KCTD20: variants seen among roughly 807,000 people sequenced by gnomAD.
The protein encoded by KCTD20 is BTB/POZ domain-containing protein KCTD20.
Under a neutral mutation model 39.6 loss-of-function variants are expected in KCTD20, and 30 were observed. The ratio of observed to expected loss-of-function variants is 0.76; its 90% CI spans 0.57 to 1.03. The LOEUF (loss-of-function observed/expected upper bound fraction) is 1.03. KCTD20 is among the 50% of genes least tolerant of loss of function. KCTD20 has a pLI of 0.00. For synonymous variants in KCTD20, 162 were observed against 180.6 expected (o/e 0.90, Z 0.83); for missense variants, 422 against 522.0 (o/e 0.81, Z 1.87).
chr6:36,482,414 A>T (rs191582519), intron 6 of KCTD20, among the ~76,000 whole-genome samples: 4 of 152,198 alleles, frequency 2.6e-5, no homozygotes, highest in African/African-American at 9.6e-5. Context: ...TAAGCCAGGC[A>T]TGGTGGCGTG....
intron 1 of KCTD20, among the ~76,000 whole-genome samples, chr6:36,456,633 G>A (rs534629293): frequency 1.4e-5 from 2 of 143,212 alleles, no homozygotes; most frequent in African/African-American, 5.3e-5. Flanking sequence ...TGTTATCCAC[G>A]GTGGCATATA....
rs1776157781 is a variant in KCTD20, at chr6:36,479,140, G to C, written c.454G>C (p.Glu152Gln). ...TTTCAGGATGTTTGGACCAGGAAGA[G>C]AGTACAACTTCACTCGGCCCAATGA... ...MLGRMFGPGR[E>Q]YNFTRPNEKG... is the part of the protein sequence containing the mutation. The change falls in exon 4 of 8, where the codon GAG becomes CAG. Residue 152 changes from glutamate (E) to glutamine (Q), a missense_variant. By Grantham distance (29) the Glu-to-Gln change is conservative (BLOSUM62 2). Coordinates refer to ENST00000373731, the MANE Select transcript of KCTD20 (RefSeq NM_173562.5). 1 of 1,612,760 alleles carries C rather than the reference G, an allele frequency of 6.2e-7. No homozygotes were observed. The highest frequency in any genetic ancestry group is 1.7e-5 in the Admixed American group (1 of 59,950).
rs928665357 is a variant in KCTD20 at position 36,483,138 on chromosome 6, T to A, written c.856+1379T>A. 2.8e-3 allele frequency among the ~76,000 whole-genome samples: 405 copies of A among 146,594 alleles called. 3 individuals are homozygous for A. The highest frequency in any genetic ancestry group is 9.7e-3 in the African/African-American group (386 of 39,910). On this transcript the variant is annotated intron_variant, in intron 6 of 7. Transcript: ENST00000373731. ...CGTTTCAAAAAAAAAAAAAAAAAAA[T>A]TATACCTTTATAATTTTGATAGATG...
In KCTD20 at chr6:36,487,954, C is replaced by T. The variant is rs1776476386; in HGVS notation, c.*779C>T. 6.6e-6 allele frequency: 1 copy of T among 152,184 alleles called. No homozygotes were observed. Among genetic ancestry groups the T allele is most frequent in the African/African-American group, 2.4e-5 (1 of 41,440 alleles). 9.4% of individuals were successfully genotyped at this position (152,184 alleles called of 1,614,324 possible). On this transcript the variant is annotated 3_prime_UTR_variant, in exon 8 of 8. Transcript: ENST00000373731. The stretch of plus-strand genomic sequence containing the variant: ...AATCAGGCCAGTTGGGTTATCCTGG[C>T]TTGGAATCTGGTGTGAAACCATAGG...
At chr6:36,449,033 A>G (rs1244570804) in intron 1 of KCTD20, among the ~76,000 whole-genome samples, 2 of 152,158 alleles carry the variant, frequency 1.3e-5, no homozygotes, top group African/African-American at 2.4e-5. Context: ...TACAGCTCAT[A>G]AAGTTAGTGC....
chr6:36,451,654 T>C (rs1378248018), intron 1 of KCTD20: 1 of 152,268 alleles, frequency 6.6e-6, no homozygotes, highest in African/African-American at 2.4e-5. Context: ...CACACCCAGC[T>C]AATTTTTTTA....
chr6:36,466,160 T>C (rs1775747281), intron 1 of KCTD20, among the ~76,000 whole-genome samples: 1 of 151,770 alleles, frequency 6.6e-6, no homozygotes, highest in Admixed American at 6.6e-5. Context: ...CCTCCTGGGT[T>C]CAAGCAATTC....
At chr6:36,480,409 CCT>C (rs1491582083) in intron 5 of KCTD20, among the ~76,000 whole-genome samples, 10 of 139,546 alleles carry the variant, frequency 7.2e-5, no homozygotes, top group East Asian at 6.0e-4. Flanking sequence ...CATGATATTG[CCT>C]TTTTTTTTTT....
chr6:36,469,297 G>C lies in KCTD20; in HGVS notation c.-46-755G>C, dbSNP rs140910400. ...CGAGGATGGAAGGGTTGCAGGGCGTGATTAACCAGCAGAAAGTTATGAGGC... is the reference window on the plus strand; with the variant it reads ...CGAGGATGGAAGGGTTGCAGGGCGTCATTAACCAGCAGAAAGTTATGAGGC... On this transcript the variant is annotated intron_variant, in intron 1 of 7. Coordinates refer to ENST00000373731, the MANE Select transcript of KCTD20 (RefSeq NM_173562.5). The surrounding 1 kb of genome is among the most constrained non-coding windows in gnomAD (Gnocchi z 4.6). 0.011 allele frequency among the ~76,000 whole-genome samples: 1,751 copies of C among 152,312 alleles called. 14 individuals are homozygous for C. The highest frequency in any genetic ancestry group is 0.018 in the Non-Finnish European group (1,256 of 68,030).
intron 3 of KCTD20, 53 bp from the exon 4 acceptor site, chr6:36,479,068 T>A: frequency 8.5e-7 from 1 of 1,171,080 alleles, no homozygotes. Flanking sequence ...AGAAATCTCA[T>A]CTGTGAAGAA....
intron 2 of KCTD20, among the ~76,000 whole-genome samples, chr6:36,470,970 C>T (rs1441430280): frequency 7.9e-5 from 12 of 151,980 alleles, no homozygotes; most frequent in Admixed American, 5.9e-4. Context: ...GCCAATGTGG[C>T]GAAACCCCCA....
At chr6:36,450,869 T>G (rs956309204) in intron 1 of KCTD20, 1 of 152,266 alleles carries the variant, frequency 6.6e-6, no homozygotes, top group Admixed American at 6.5e-5. Flanking sequence ...TTAAACTGTT[T>G]CAAGCAGTTT....
intron 2 of KCTD20, among the ~76,000 whole-genome samples, chr6:36,473,360 C>T (rs1775967919): frequency 6.6e-6 from 1 of 152,050 alleles, no homozygotes; most frequent in Non-Finnish European, 1.5e-5. Context: ...CCGCACCCGG[C>T]CTATTTTTAA....
At chr6:36,449,406 C>T (rs371872617) in intron 1 of KCTD20, among the ~76,000 whole-genome samples, 9 of 151,180 alleles carry the variant, frequency 6.0e-5, no homozygotes, top group East Asian at 1.9e-4. Context: ...AGACACAGAG[C>T]GCTGATTCAT....
chr6:36,458,094 C>T (rs764219864), intron 1 of KCTD20, among the ~76,000 whole-genome samples: 26 of 152,168 alleles, frequency 1.7e-4, no homozygotes, highest in Middle Eastern at 3.4e-3. Context: ...GCTCTGTTGC[C>T]CAGGCAGGAA....
intron 1 of KCTD20, among the ~76,000 whole-genome samples, chr6:36,453,511 T>G (rs970231048): frequency 6.6e-6 from 1 of 150,642 alleles, no homozygotes; most frequent in Admixed American, 6.6e-5. Flanking sequence ...TAATGTTTTG[T>G]TTTTTGTTTT....
At chr6:36,475,575 G>A (rs1157771574) in intron 3 of KCTD20, among the ~76,000 whole-genome samples, 24 of 152,148 alleles carry the variant, frequency 1.6e-4, no homozygotes, top group Non-Finnish European at 1.5e-5. Context: ...TACAAAGCCA[G>A]TATAGTAAAA....
At chr6:36,445,155 G>A (rs1318582399) in intron 1 of KCTD20, among the ~76,000 whole-genome samples, 1 of 151,778 alleles carries the variant, frequency 6.6e-6, no homozygotes, top group Non-Finnish European at 1.5e-5. Context: ...CCAGCTACAC[G>A]GGAGGCTGAG....
At chr6:36,481,852 T>A in intron 6 of KCTD20, 93 bp downstream of exon 6, 1 of 1,095,096 alleles carries the variant, frequency 9.1e-7, no homozygotes, top group African/African-American at 1.5e-5. Context: ...AATATCAATG[T>A]TGAGCCTGTG....
Sources: allele counts gnomAD v4.1 joint callset (sites outside exome capture counted in the v4.1 genomes callset), GRCh38; gene constraint gnomAD v4.1.1; non-coding constraint Gnocchi (gnomAD v3.1); transcripts MANE v1.5; gene names NCBI Gene and HGNC (gene_info 2026-07-23, HGNC 2026-07-21).